The following ETV6 variants were observed in gnomAD, a reference collection of about 807,000 sequenced individuals.
The protein encoded by ETV6 is transcription factor ETV6.
In ETV6, 16 loss-of-function variants were observed where a neutral mutation model predicts 51.1. The ratio of observed to expected loss-of-function variants is 0.31; its 90% CI spans 0.21 to 0.48. ETV6 has a LOEUF of 0.48. Ranked by LOEUF, ETV6 falls within the 20% of genes least tolerant of loss-of-function variation. The pLI is 0.99. For missense variants in ETV6, 458 were observed against 594.8 expected (o/e 0.77, Z 2.39); for synonymous variants, 240 against 224.1 (o/e 1.07, Z -0.64).
At chr12:11,729,750 ATTGT>A (rs746486132) in intron 1 of ETV6, among the ~76,000 whole-genome samples, 9 of 152,218 alleles carry the variant, frequency 5.9e-5, no homozygotes, top group African/African-American at 1.7e-4. Flanking sequence ...TATTTTATTG[ATTGT>A]TCTCTCAACA....
chr12:11,751,114 G>A (rs74060843), intron 1 of ETV6, among the ~76,000 whole-genome samples: 281 of 152,020 alleles, frequency 1.8e-3, no homozygotes, highest in African/African-American at 6.5e-3. Context: ...AATTCCATTC[G>A]GAAATTATAA....
chr12:11,743,627 C>G (rs934115763), intron 1 of ETV6, among the ~76,000 whole-genome samples: 2 of 152,192 alleles, frequency 1.3e-5, no homozygotes, highest in Non-Finnish European at 2.9e-5. Flanking sequence ...AATCTTCTCC[C>G]CTGGCTCTCA....
intron 2 of ETV6, among the ~76,000 whole-genome samples, chr12:11,777,547 T>C (rs915290053): frequency 3.9e-5 from 6 of 152,208 alleles, no homozygotes; most frequent in Admixed American, 3.3e-4. Flanking sequence ...CCTAGATTTA[T>C]TGTGTCAAAA....
chr12:11,696,584 G>A (rs1165162929), intron 1 of ETV6, among the ~76,000 whole-genome samples: 1 of 152,152 alleles, frequency 6.6e-6, no homozygotes, highest in Non-Finnish European at 1.5e-5. Context: ...TTGAGAAGCC[G>A]AGGCAAGAGG....
intron 5 of ETV6, among the ~76,000 whole-genome samples, chr12:11,877,421 C>G (rs1452324937): frequency 2.0e-5 from 3 of 152,116 alleles, no homozygotes; most frequent in Non-Finnish European, 4.4e-5. Flanking sequence ...AGTCTCAGCC[C>G]TCGGCCTTTG....
At chr12:11,733,332 C>G (rs1003797941) in intron 1 of ETV6, among the ~76,000 whole-genome samples, 1 of 132,806 alleles carries the variant, frequency 7.5e-6, no homozygotes, top group African/African-American at 2.9e-5. Flanking sequence ...GGCGTGAATC[C>G]GGGAGGCAGA....
At chr12:11,672,700 CACTG>C (rs1864342939) in intron 1 of ETV6, among the ~76,000 whole-genome samples, 1 of 152,214 alleles carries the variant, frequency 6.6e-6, no homozygotes, top group South Asian at 2.1e-4. Context: ...ACTGAAATCT[CACTG>C]ACCCCCACCA....
At chr12:11,695,795 C>T (rs904141701) in intron 1 of ETV6, among the ~76,000 whole-genome samples, 4 of 152,230 alleles carry the variant, frequency 2.6e-5, no homozygotes, top group African/African-American at 9.6e-5. Context: ...CTGCTCCCCT[C>T]GTCCTCTGAC....
intron 4 of ETV6, among the ~76,000 whole-genome samples, chr12:11,860,518 G>A (rs1946700562): frequency 6.6e-6 from 1 of 150,470 alleles, no homozygotes; most frequent in African/African-American, 2.5e-5. Flanking sequence ...GTTGACATAA[G>A]AAAGAAATGA....
chr12:11,670,220 A>G (rs1455966290), intron 1 of ETV6, among the ~76,000 whole-genome samples: 1 of 152,212 alleles, frequency 6.6e-6, no homozygotes, highest in South Asian at 2.1e-4. Context: ...GGAAGAAGGG[A>G]AAAACAGTAG....
At chr12:11,779,996 A>T (rs1489977184) in intron 2 of ETV6, among the ~76,000 whole-genome samples, 1 of 152,238 alleles carries the variant, frequency 6.6e-6, no homozygotes, top group Non-Finnish European at 1.5e-5. Flanking sequence ...GGTTTTGCCC[A>T]TATTTTTCAC....
chr12:11,691,086 G>A (rs956029863), intron 1 of ETV6, among the ~76,000 whole-genome samples: 2 of 151,990 alleles, frequency 1.3e-5, no homozygotes, highest in Non-Finnish European at 2.9e-5. Context: ...CCTCTCCTGG[G>A]TTTCAGGCTG....
Position 11,855,937 on chromosome 12 carries a change from T to C in ETV6, c.463+2376T>C, listed in dbSNP as rs541205710. On this transcript the variant is annotated intron_variant, in intron 4 of 7. Transcript: ENST00000396373. ...GCTTGACATTAAGGCAAGGAATATA[T>C]TACCTAGCCTGCCTTTCAGATACAA... Among the ~76,000 whole-genome samples, 6 of 152,352 alleles carry C rather than the reference T, an allele frequency of 3.9e-5. No homozygotes were observed. In the South Asian group the frequency reaches 8.3e-4, roughly 21 times the overall value.
chr12:11,725,696 T>C (rs969327455), intron 1 of ETV6, among the ~76,000 whole-genome samples: 2 of 152,198 alleles, frequency 1.3e-5, no homozygotes, highest in African/African-American at 2.4e-5. Context: ...AGTAGATTGC[T>C]GCCCTCCCTG....
chr12:11,883,301 TTTTTTTTTTTGAGAC>T (rs1947134025), intron 5 of ETV6, among the ~76,000 whole-genome samples: 1 of 84,674 alleles, frequency 1.2e-5, no homozygotes, highest in Non-Finnish European at 2.8e-5. Context: ...TTTTTTTTTT[TTTTTTTTTTTGAGAC>T]TGAGTCTCAC....
intron 1 of ETV6, among the ~76,000 whole-genome samples, chr12:11,671,600 T>C (rs1864316803): frequency 1.3e-5 from 2 of 152,194 alleles, no homozygotes; most frequent in Admixed American, 1.3e-4. Flanking sequence ...AATATGTACA[T>C]CTAATATGTA....
chr12:11,717,532 A>T (rs1865300149), intron 1 of ETV6, among the ~76,000 whole-genome samples: 1 of 152,216 alleles, frequency 6.6e-6, no homozygotes, highest in Non-Finnish European at 1.5e-5. Context: ...GGGCATGTAT[A>T]CATGTGTGTG....
intron 1 of ETV6, among the ~76,000 whole-genome samples, chr12:11,727,727 C>G (rs1865516976): frequency 6.6e-6 from 1 of 152,226 alleles, no homozygotes; most frequent in African/African-American, 2.4e-5. Context: ...GCCTAAGGGC[C>G]TGGTGGCCCG....
chr12:11,665,194 G>A (rs112938334), intron 1 of ETV6, among the ~76,000 whole-genome samples: 4,405 of 152,236 alleles, frequency 0.029, 230 homozygotes, highest in African/African-American at 0.099. Flanking sequence ...TTTTAGTAGA[G>A]ACAGGGTTTC....
Sources: gnomAD v4.1 joint callset for allele counts (sites outside exome capture counted in the v4.1 genomes callset) on GRCh38, gnomAD v4.1.1 for gene constraint, MANE v1.5 for transcripts, NCBI Gene and HGNC (gene_info 2026-07-23, HGNC 2026-07-21) for gene names.